Variants in TNS1 observed in about 807,000 individuals in gnomAD.
TNS1 encodes the protein tensin-1.
Under a neutral mutation model 168.6 loss-of-function variants are expected in TNS1, and 62 were observed. The observed-to-expected ratio is 0.37, with a 90% confidence interval of 0.30 to 0.45. TNS1 has a LOEUF of 0.45. TNS1 is among the 20% of genes least tolerant of loss of function. The pLI is 1.00. For missense variants in TNS1, 2,240 were observed against 2,339.4 expected (o/e 0.96, Z 0.88); for synonymous variants, 934 against 933.2 (o/e 1.00, Z -0.02).
chr2:218,010,241 T>A, exon 1 of TNS1: 1 of 397,902 alleles, frequency 2.5e-6, no homozygotes. Context: ...TCGGAAGAGG[T>A]GGACCCGCCG....
chr2:217,922,705 A>G (rs115100271), intron 3 of TNS1, among the ~76,000 whole-genome samples: 5,069 of 152,282 alleles, frequency 0.033, 123 homozygotes, highest in African/African-American at 0.068. Context: ...GGGCCCAGGT[A>G]TCCTGACCGC....
rs1574993271 is a variant in TNS1, at chr2:217,896,716, C to A, written c.543+1082G>T. On this transcript the variant is annotated intron_variant, in intron 8 of 32. Coordinates refer to ENST00000682258, the MANE Select transcript of TNS1 (RefSeq NM_001387777.1). ...AGGATTTGGATCTAGGACCCCTCCA[C>A]CCCGCCATGGATAGTGGATACCAAA... is the stretch of plus-strand genomic sequence containing the variant. Among the ~76,000 whole-genome samples, 5 of 152,304 alleles carry A rather than the reference C, an allele frequency of 3.3e-5. No homozygotes were observed. In the South Asian group the frequency reaches 1.0e-3, roughly 32 times the overall value.
Position 217,820,418 on chromosome 2 carries a change from A to G in TNS1, c.3572+1322T>C, listed in dbSNP as rs76284640. Among the ~76,000 whole-genome samples, 533 of 152,150 alleles carry G rather than the reference A, an allele frequency of 3.5e-3. 4 individuals are homozygous for G. Among genetic ancestry groups the G allele is most frequent in the African/African-American group, 0.012 (505 of 41,514 alleles). On this transcript the variant is annotated intron_variant, in intron 23 of 32. Coordinates refer to ENST00000682258, the MANE Select transcript of TNS1 (RefSeq NM_001387777.1). ...GCCTGTTAAGAGGCTGGGGAAGGGG[A>G]ATGCTTGGCTTAGAATCCAGAAGAC... is the stretch of plus-strand genomic sequence containing the variant.
At chr2:217,864,677 C>T (rs1435629170) in intron 18 of TNS1, among the ~76,000 whole-genome samples, 1 of 152,214 alleles carries the variant, frequency 6.6e-6, no homozygotes, top group Non-Finnish European at 1.5e-5. Flanking sequence ...GAATTTTATG[C>T]ATTTATCCTC....
rs1318706493 is a variant in TNS1 at position 217,830,074 on chromosome 2, A to G, written c.3373+1381T>C. 5 of 811,188 alleles carry G rather than the reference A, an allele frequency of 6.2e-6. No individual in the cohort carries two copies. In the East Asian group the frequency reaches 6.3e-4, roughly 103 times the overall value. The allele number at this position is 811,188 out of a possible 1,614,324, so 50.2% of individuals were successfully genotyped here. A position where few individuals can be genotyped will look rare whatever the true frequency, so the allele number is the denominator to read the frequency against. On this transcript the variant is annotated intron_variant, in intron 22 of 32. Transcript: ENST00000682258. The stretch of plus-strand genomic sequence containing the variant: ...AGGCCAGGGCCGATTTGCGCTGTCC[A>G]CAGAAGGACTCCAAGGGGAAGGCCG...
Position 217,893,461 on chromosome 2 carries a change from T to C in TNS1, c.695A>G (p.Asn232Ser), listed in dbSNP as rs1161678934. 18 of 1,606,110 alleles carry C rather than the reference T, an allele frequency of 1.1e-5. No homozygotes were observed. The highest frequency in any genetic ancestry group is 1.4e-5 in the Non-Finnish European group (16 of 1,175,186). The stretch of plus-strand genomic sequence containing the variant: ...GACCTTGTTGTGTAGAACAACGACA[T>C]TGTGAGGGTCTGCATTGAGCCATGT... ...MDTWLNADPH[N>S]VVVLHNKGNR... The change falls in exon 10 of 33, where the codon AAT becomes AGT. Residue 232 changes from asparagine to serine, a missense_variant. Transcript: ENST00000682258.
intron 22 of TNS1, among the ~76,000 whole-genome samples, chr2:217,826,328 C>T (rs1170226570): frequency 1.3e-5 from 2 of 152,156 alleles, no homozygotes; most frequent in Non-Finnish European, 2.9e-5. Flanking sequence ...TGCAGATCTC[C>T]GTAGTGAAAA....
chr2:217,925,715 G>A (rs183097381), intron 3 of TNS1, among the ~76,000 whole-genome samples: 34 of 151,880 alleles, frequency 2.2e-4, no homozygotes, highest in African/African-American at 7.2e-4. Context: ...GTACATTCAC[G>A]GTAATGTACA....
chr2:217,817,992 G>C lies in TNS1; in HGVS notation c.4340C>G (p.Ser1447Cys), dbSNP rs753791826. The change falls in exon 24 of 33, where the codon TCT becomes TGT. Residue 1447 changes from serine to cysteine, a missense_variant. Physicochemically the swap from Ser to Cys is moderately radical, Grantham distance 112. This residue lies in a region of TNS1 where 2,131 missense variants were observed against 2,171.2 expected (regional missense o/e 0.98). Transcript: ENST00000682258. Reference protein sequence around the residue: ...RPTLSRQSSASGYQAPSTPSF... With the variant: ...RPTLSRQSSACGYQAPSTPSF... ...GGGCGTGGAAGGAGCCTGGTAGCCA[G>C]AGGCACTGCTCTGCCGGGACAGTGT... 3 of 1,599,238 alleles carry C rather than the reference G, an allele frequency of 1.9e-6. No homozygotes were observed. The highest frequency in any genetic ancestry group is 2.6e-6 in the Non-Finnish European group (3 of 1,172,840).
intron 3 of TNS1, among the ~76,000 whole-genome samples, chr2:217,970,766 T>C (rs1262993370): frequency 3.3e-5 from 5 of 152,236 alleles, no homozygotes; most frequent in African/African-American, 1.2e-4. Context: ...CAGGGTTTCT[T>C]TCCGAGCTGC....
upstream of TNS1, among the ~76,000 whole-genome samples, chr2:218,003,187 C>T (rs566004423): frequency 3.8e-4 from 57 of 151,596 alleles, no homozygotes; most frequent in African/African-American, 1.4e-3. Flanking sequence ...GAGGCAGGGC[C>T]CCCCCAGGCC....
chr2:217,903,431 G>A (rs186103596), intron 6 of TNS1, among the ~76,000 whole-genome samples: 133 of 152,272 alleles, frequency 8.7e-4, no homozygotes, highest in East Asian at 4.2e-3. Flanking sequence ...TTATAAAAAG[G>A]AAAATAAGCT....
In TNS1 at chr2:217,813,892, C is replaced by G. The variant is rs1045505179; in HGVS notation, c.4730-76G>C. 2 of 1,454,680 alleles carry G rather than the reference C, an allele frequency of 1.4e-6. No homozygotes were observed. Among genetic ancestry groups the G allele is most frequent in the South Asian group, 3.0e-5 (2 of 67,446 alleles). 90.1% of individuals were successfully genotyped at this position (1,454,680 alleles called of 1,614,324 possible). A position where few individuals can be genotyped will look rare whatever the true frequency, so the allele number is the denominator to read the frequency against. On this transcript the variant is annotated intron_variant, in intron 25 of 32. Coordinates refer to ENST00000682258, the MANE Select transcript of TNS1 (RefSeq NM_001387777.1). The surrounding 1 kb of genome is among the most constrained non-coding windows in gnomAD (Gnocchi z 4.0). ...CTAGTTTTACTTAAGTCTCATTGAG[C>G]CTACCGACCTTCGTTCTTTCTTAGG...
intron 3 of TNS1, among the ~76,000 whole-genome samples, chr2:217,958,703 T>C (rs918958472): frequency 1.2e-4 from 19 of 152,122 alleles, no homozygotes; most frequent in Non-Finnish European, 2.1e-4. Context: ...TGAACTCACA[T>C]TTCTTTGACA....
intron 3 of TNS1, among the ~76,000 whole-genome samples, chr2:217,956,946 C>T (rs1003834798): frequency 6.6e-6 from 1 of 152,212 alleles, no homozygotes; most frequent in Admixed American, 6.5e-5. Context: ...GACTCTGGGA[C>T]GTGACTTTCC....
At chr2:217,917,309 T>C (rs534074539) in intron 4 of TNS1, among the ~76,000 whole-genome samples, 7 of 152,200 alleles carry the variant, frequency 4.6e-5, no homozygotes, top group African/African-American at 1.7e-4. Flanking sequence ...TCAAGAAACA[T>C]ATATAGAGCA....
chr2:217,864,551 T>A (rs1044186209), intron 18 of TNS1, among the ~76,000 whole-genome samples: 10 of 152,106 alleles, frequency 6.6e-5, no homozygotes, highest in African/African-American at 1.2e-4. Flanking sequence ...AAGGTTTAGA[T>A]CTTAGAAGAT....
chr2:217,981,934 T>C (rs1384461637), intron 2 of TNS1, among the ~76,000 whole-genome samples: 2 of 152,228 alleles, frequency 1.3e-5, no homozygotes, highest in South Asian at 2.1e-4. Flanking sequence ...CCAATATTTC[T>C]TGCCTCTGCT....
At chr2:217,866,414 G>A (rs1246655159) in intron 18 of TNS1, among the ~76,000 whole-genome samples, 1 of 152,078 alleles carries the variant, frequency 6.6e-6, no homozygotes, top group African/African-American at 2.4e-5. Flanking sequence ...CTCCTCTCCT[G>A]CTTGGACCTG....
Sources: gnomAD v4.1 joint callset for allele counts (sites outside exome capture counted in the v4.1 genomes callset) on GRCh38, gnomAD v4.1.1 for gene constraint, gnomAD v4.1.1 regional missense constraint, Gnocchi (gnomAD v3.1) non-coding constraint, MANE v1.5 for transcripts, NCBI Gene and HGNC (gene_info 2026-07-23, HGNC 2026-07-21) for gene names.